Variants in AK5 observed in about 807,000 individuals in gnomAD.
The protein encoded by AK5 is adenylate kinase 5.
In AK5, 27 loss-of-function variants were observed where a neutral mutation model predicts 69.5. That is an observed-to-expected ratio of 0.39 (90% CI 0.29 to 0.54). The LOEUF (loss-of-function observed/expected upper bound fraction) is 0.54, where lower values mean the gene tolerates loss of function less well. Ranked by LOEUF, AK5 falls within the 20% of genes least tolerant of loss-of-function variation. The probability of loss-of-function intolerance (pLI) is 0.71; values close to 1 mark genes in which losing one functional copy is unlikely to be tolerated. For missense variants in AK5, 531 were observed against 700.4 expected (o/e 0.76, Z 2.73); for synonymous variants, 260 against 244.4 (o/e 1.06, Z -0.60).
intron 6 of AK5, among the ~76,000 whole-genome samples, chr1:77,401,853 T>A (rs1315822630): frequency 2.0e-5 from 3 of 152,212 alleles, no homozygotes; most frequent in African/African-American, 7.2e-5. Context: ...CATTTGTTAT[T>A]CAAATTAAAA....
intron 6 of AK5, among the ~76,000 whole-genome samples, chr1:77,358,018 T>TGTGTGAGAGAGAGAGAGA (rs762714026): frequency 7.8e-6 from 1 of 128,178 alleles, no homozygotes; most frequent in Non-Finnish European, 1.7e-5. Context: ...TGTGTGTGTG[T>TGTGTGAGAGAGAGAGAGA]GAGAGAGAGA....
intron 13 of AK5, among the ~76,000 whole-genome samples, chr1:77,552,838 GC>G (rs1659884795): frequency 1.3e-5 from 2 of 152,266 alleles, no homozygotes; most frequent in South Asian, 4.2e-4. Context: ...AGGACTTCAA[GC>G]CCAGCCTGGG....
rs140457200 is a variant in AK5, at chr1:77,539,828, T to G, written c.1620+3790T>G. On this transcript the variant is annotated intron_variant, in intron 13 of 13. Coordinates refer to ENST00000354567, the MANE Select transcript of AK5 (RefSeq NM_174858.3). ...TGTTTGCCCCTCCTCCCTGTTGTTT[T>G]ACTGGACCCAAGACAGGGCTGCTCA... Among the ~76,000 whole-genome samples, 673 of 152,332 alleles carry G rather than the reference T, an allele frequency of 4.4e-3. 5 individuals are homozygous for G. The highest frequency in any genetic ancestry group is 0.015 in the African/African-American group (609 of 41,576).
At chr1:77,404,196 G>A (rs1043068704) in intron 6 of AK5, among the ~76,000 whole-genome samples, 74 of 152,128 alleles carry the variant, frequency 4.9e-4, no homozygotes, top group African/African-American at 1.7e-3. Flanking sequence ...AAAACCTAAT[G>A]TATGTAAGGG....
At chr1:77,451,569 C>A (rs549218879) in intron 8 of AK5, among the ~76,000 whole-genome samples, 1 of 152,110 alleles carries the variant, frequency 6.6e-6, no homozygotes, top group Non-Finnish European at 1.5e-5. Context: ...AGGACCAAAG[C>A]GTATAACGGA....
intron 8 of AK5, among the ~76,000 whole-genome samples, chr1:77,434,940 A>G (rs144884278): frequency 1.4e-4 from 21 of 152,324 alleles, no homozygotes; most frequent in Non-Finnish European, 2.5e-4. Context: ...AAAACATGAA[A>G]TTGCCTGGTT....
At chr1:77,506,580 G>C (rs1242322628) in intron 10 of AK5, among the ~76,000 whole-genome samples, 1 of 152,192 alleles carries the variant, frequency 6.6e-6, no homozygotes, top group Non-Finnish European at 1.5e-5. Flanking sequence ...TTTGGTTTCA[G>C]AGTCTTGATT....
chr1:77,444,353 T>A lies in AK5; in HGVS notation c.1059+26638T>A, dbSNP rs1557598396. Among the ~76,000 whole-genome samples, 72 of 59,748 alleles carry A rather than the reference T, an allele frequency of 1.2e-3. 5 individuals are homozygous for A. The highest frequency in any genetic ancestry group is 2.5e-3 in the African/African-American group (32 of 12,926). The allele number at this position is 59,748 out of a possible 152,430, so 39.2% of individuals were successfully genotyped here. On this transcript the variant is annotated intron_variant, in intron 8 of 13. Coordinates refer to ENST00000354567, the MANE Select transcript of AK5 (RefSeq NM_174858.3). Reference sequence around the variant, plus strand: ...ATATAGTATATATACACAATATATGTGTATATATAGTATAAATATATACTA... The same window carrying A: ...ATATAGTATATATACACAATATATGAGTATATATAGTATAAATATATACTA...
Position 77,439,400 on chromosome 1 carries a change from TTTACATTGGGAACA to T in AK5, c.1059+21691_1059+21704del, listed in dbSNP as rs1177710701. Among the ~76,000 whole-genome samples, 8 of 152,292 alleles carry T rather than the reference TTTACATTGGGAACA, an allele frequency of 5.3e-5. No individual in the cohort carries two copies. The East Asian group carries it at 1.2e-3, about 22-fold the overall frequency. On this transcript the variant is annotated intron_variant, in intron 8 of 13. Coordinates refer to ENST00000354567, the MANE Select transcript of AK5 (RefSeq NM_174858.3). ...TATCACCTCAAACATTTATCATTTC[TTTACATTGGGAACA>T]TTACAAATCTAGCCATTTTGAAATA...
At chr1:77,521,139 CT>C (rs879354407) in intron 11 of AK5, among the ~76,000 whole-genome samples, 304 of 145,382 alleles carry the variant, frequency 2.1e-3, no homozygotes, top group African/African-American at 2.2e-3. Flanking sequence ...AGTAAGATAC[CT>C]TTTTTTTTTT....
chr1:77,441,124 C>A (rs1400212069), intron 8 of AK5, among the ~76,000 whole-genome samples: 1 of 152,106 alleles, frequency 6.6e-6, no homozygotes, highest in Non-Finnish European at 1.5e-5. Context: ...TAATTGAATT[C>A]TTTAGCTGCG....
chr1:77,429,449 GT>G (rs1651445611), intron 8 of AK5, among the ~76,000 whole-genome samples: 1 of 152,102 alleles, frequency 6.6e-6, no homozygotes, highest in Admixed American at 6.5e-5. Context: ...TGATGGGGTT[GT>G]TTTTTTCTTG....
chr1:77,393,321 A>G (rs1374252309), intron 6 of AK5, among the ~76,000 whole-genome samples: 2 of 152,164 alleles, frequency 1.3e-5, no homozygotes. Flanking sequence ...ACAGCAATTC[A>G]TTTATTCACT....
At chr1:77,550,840 T>C (rs996117632) in intron 13 of AK5, among the ~76,000 whole-genome samples, 31 of 152,138 alleles carry the variant, frequency 2.0e-4, no homozygotes, top group African/African-American at 5.6e-4. Flanking sequence ...GATAAAAGGT[T>C]TTGTTCCCAC....
chr1:77,288,991 C>T (rs191819925), intron 2 of AK5, among the ~76,000 whole-genome samples: 3 of 152,102 alleles, frequency 2.0e-5, no homozygotes, highest in African/African-American at 7.2e-5. Flanking sequence ...CAAATTTGCA[C>T]CAAATATTTT....
chr1:77,302,736 C>G (rs552824921), intron 5 of AK5, among the ~76,000 whole-genome samples: 1 of 152,110 alleles, frequency 6.6e-6, no homozygotes, highest in Non-Finnish European at 1.5e-5. Flanking sequence ...TATATCTGCT[C>G]GCAAAGCAGT....
At chr1:77,512,192 T>G (rs1354559501) in intron 10 of AK5, among the ~76,000 whole-genome samples, 1 of 152,172 alleles carries the variant, frequency 6.6e-6, no homozygotes, top group Non-Finnish European at 1.5e-5. Flanking sequence ...CTAAACTAGA[T>G]ACGTATATCT....
intron 8 of AK5, 25 bp from the exon 9 acceptor site, chr1:77,483,292 T>C (rs766380667): frequency 6.3e-7 from 1 of 1,575,314 alleles, no homozygotes; most frequent in Non-Finnish European, 8.7e-7. Context: ...GTTATTATTA[T>C]CTAATATTGT....
intron 6 of AK5, among the ~76,000 whole-genome samples, chr1:77,351,841 G>T (rs528560263): frequency 2.0e-5 from 3 of 152,132 alleles, no homozygotes; most frequent in African/African-American, 7.2e-5. Context: ...ATAAATGAGT[G>T]AGCCAACCTA....
Sources: allele counts gnomAD v4.1 joint callset (sites outside exome capture counted in the v4.1 genomes callset), GRCh38; gene constraint gnomAD v4.1.1; transcripts MANE v1.5; gene names NCBI Gene and HGNC (gene_info 2026-07-23, HGNC 2026-07-21).